PATJ: variants seen among roughly 807,000 people sequenced by gnomAD.
PATJ encodes the protein PATJ crumbs cell polarity complex component.
Under a neutral mutation model 224.9 loss-of-function variants are expected in PATJ, and 190 were observed. The ratio of observed to expected loss-of-function variants is 0.84; its 90% CI spans 0.75 to 0.95. The LOEUF is 0.95. Ranked by LOEUF, PATJ falls within the 40% of genes least tolerant of loss-of-function variation. PATJ has a pLI of 0.00. For missense variants in PATJ, 2,121 were observed against 2,270.3 expected (o/e 0.93, Z 1.34); for synonymous variants, 769 against 820.3 (o/e 0.94, Z 1.07).
chr1:62,019,649 A>C (rs1269300959), intron 29 of PATJ, among the ~76,000 whole-genome samples: 2 of 152,016 alleles, frequency 1.3e-5, no homozygotes, highest in African/African-American at 4.8e-5. Context: ...GTATATTAAG[A>C]TGAGCCCTTT....
At chr1:62,116,260 T>C (rs1264478175) in intron 35 of PATJ, among the ~76,000 whole-genome samples, 1 of 152,186 alleles carries the variant, frequency 6.6e-6, no homozygotes. Flanking sequence ...CTCATTGCAA[T>C]AGTTAAAGAA....
At chr1:61,928,757 T>C (rs1202574656) in intron 27 of PATJ, among the ~76,000 whole-genome samples, 1 of 151,838 alleles carries the variant, frequency 6.6e-6, no homozygotes, top group African/African-American at 2.4e-5. Context: ...ATGGTTATAA[T>C]AATTACTATT....
At chr1:62,094,929 T>C (rs79890827) in intron 33 of PATJ, among the ~76,000 whole-genome samples, 2,813 of 152,316 alleles carry the variant, frequency 0.018, 97 homozygotes, top group African/African-American at 0.064. Context: ...ACTAATTTAT[T>C]ATTTGTGAAC....
In PATJ at chr1:62,114,062, G is replaced by T. The variant is rs985147788; in HGVS notation, c.4471G>T (p.Val1491Phe). 1 of 1,613,912 alleles carries T rather than the reference G, an allele frequency of 6.2e-7. No homozygotes were observed. Among genetic ancestry groups the T allele is most frequent in the African/African-American group, 1.3e-5 (1 of 74,924 alleles). ...AGDQILEVNGVDLRNSSHEEA... is the reference protein window; with the variant it reads ...AGDQILEVNGFDLRNSSHEEA... ...ATGCCCATTGTTCCAGGTTAATGGG[G>T]TTGACCTGAGGAACTCCAGCCACGA... Residue 1491 changes from valine to phenylalanine, a missense_variant, in exon 35 of 44, where the codon GTT (valine) becomes TTT (phenylalanine). By Grantham distance (50) the Val-to-Phe change is conservative. Transcript: ENST00000642238.
At chr1:61,946,069 G>A (rs1352191436) in intron 27 of PATJ, among the ~76,000 whole-genome samples, 3 of 152,234 alleles carry the variant, frequency 2.0e-5, no homozygotes, top group Non-Finnish European at 2.9e-5. Flanking sequence ...TTAAAGCAGT[G>A]TGTAGCGGGA....
intron 29 of PATJ, among the ~76,000 whole-genome samples, chr1:62,037,562 TG>T (rs1314745366): frequency 1.3e-5 from 2 of 152,160 alleles, no homozygotes; most frequent in Non-Finnish European, 2.9e-5. Flanking sequence ...GTGAGGAGGC[TG>T]GGATCCTTTC....
chr1:61,766,735 A>G (rs1205768104), intron 4 of PATJ, among the ~76,000 whole-genome samples: 3 of 152,134 alleles, frequency 2.0e-5, no homozygotes, highest in Non-Finnish European at 4.4e-5. Flanking sequence ...ATTTTTTGAG[A>G]TAAGGTCTTG....
chr1:61,998,041 AT>A lies in PATJ; in HGVS notation c.3867+7679del, dbSNP rs533999072. Among the ~76,000 whole-genome samples, 815 of 124,344 alleles carry A rather than the reference AT, an allele frequency of 6.6e-3. 3 individuals are homozygous for A. Among genetic ancestry groups the A allele is most frequent in the Middle Eastern group, 0.026 (7 of 266 alleles). The allele number at this position is 124,344 out of a possible 152,430, so 81.6% of individuals were successfully genotyped here. ...ATTATATATAATATATTATATATTT[AT>A]TATATATATTATATATAATAAATAT... is the stretch of plus-strand genomic sequence containing the variant. On this transcript the variant is annotated intron_variant, in intron 28 of 43. Transcript: ENST00000642238.
Position 62,121,260 on chromosome 1 carries a change from C to G in PATJ, c.4970C>G (p.Thr1657Arg). 1 of 1,612,154 alleles carries G rather than the reference C, an allele frequency of 6.2e-7. No individual in the cohort carries two copies. The highest frequency in any genetic ancestry group is 2.2e-5 in the East Asian group (1 of 44,810). ...ACTGGCCTGCAAAACCTGGTTGGCA[C>G]AAAAAGAGTTTCAGATCCTTCCCAG... is the stretch of plus-strand genomic sequence containing the variant. ...VITGLQNLVG[T>R]KRVSDPSQKN... Residue 1657 changes from threonine (T) to arginine (R), a missense_variant, in exon 38 of 44, where the codon ACA becomes AGA. Physicochemically the swap from Thr to Arg is moderately conservative, Grantham distance 71. Coordinates refer to ENST00000642238, the MANE Select transcript of PATJ (RefSeq NM_001350145.3).
chr1:61,814,521 T>A (rs1024152507), intron 14 of PATJ, among the ~76,000 whole-genome samples: 18 of 80,818 alleles, frequency 2.2e-4, no homozygotes, highest in African/African-American at 6.6e-4. Context: ...TTTTGTTTAG[T>A]GTGTGTGTGT....
intron 14 of PATJ, among the ~76,000 whole-genome samples, chr1:61,810,295 G>A (rs1041458559): frequency 6.6e-6 from 1 of 151,494 alleles, no homozygotes; most frequent in African/African-American, 2.4e-5. Context: ...AATATGGCTC[G>A]CCTTGTAGTT....
At chr1:62,048,798 C>G (rs936267246) in intron 30 of PATJ, among the ~76,000 whole-genome samples, 1 of 152,076 alleles carries the variant, frequency 6.6e-6, no homozygotes, top group Non-Finnish European at 1.5e-5. Context: ...AATTCTGAAA[C>G]TTGTTGAGCA....
In PATJ at chr1:62,106,156, GTGTATATATATATATATA is replaced by G. The variant is rs1162518452; in HGVS notation, c.4378-2279_4378-2262del. 1.7e-3 allele frequency among the ~76,000 whole-genome samples: 92 copies of G among 54,876 alleles called. 8 individuals are homozygous for G. The highest frequency in any genetic ancestry group is 4.6e-3 in the African/African-American group (76 of 16,346). 36.0% of individuals were successfully genotyped at this position (54,876 alleles called of 152,430 possible). A position where few individuals can be genotyped will look rare whatever the true frequency, so the allele number is the denominator to read the frequency against. On this transcript the variant is annotated intron_variant, in intron 33 of 43. Transcript: ENST00000642238. ...TATACATGTGTATATGTGTGTGTGT[GTGTATATATATATATATA>G]TATATATATATATGGCTGGGCACAG...
At chr1:61,779,626 A>G (rs1050420112) in intron 7 of PATJ, among the ~76,000 whole-genome samples, 1 of 152,234 alleles carries the variant, frequency 6.6e-6, no homozygotes, top group African/African-American at 2.4e-5. Flanking sequence ...AATCAAGATA[A>G]TGAGCGTATT....
intron 27 of PATJ, among the ~76,000 whole-genome samples, chr1:61,962,656 T>TTAGAAG (rs1681477832): frequency 3.9e-5 from 6 of 152,188 alleles, no homozygotes; most frequent in Admixed American, 6.5e-5. Flanking sequence ...TTAGAAGATA[T>TTAGAAG]ATTCTTAAGG....
intron 29 of PATJ, among the ~76,000 whole-genome samples, chr1:62,023,823 C>T (rs1350719821): frequency 6.6e-6 from 1 of 152,150 alleles, no homozygotes; most frequent in Non-Finnish European, 1.5e-5. Context: ...AGCATGATGT[C>T]GGCTGCAGAT....
chr1:62,046,333 A>G (rs1652572225), intron 30 of PATJ, among the ~76,000 whole-genome samples: 1 of 152,240 alleles, frequency 6.6e-6, no homozygotes. Flanking sequence ...TTGTAATGTA[A>G]CATGAATGTG....
chr1:61,985,072 G>A (rs1316005150), intron 27 of PATJ, among the ~76,000 whole-genome samples: 1 of 152,074 alleles, frequency 6.6e-6, no homozygotes, highest in Admixed American at 6.5e-5. Context: ...CCAGCACTTT[G>A]GGAGGCCGTT....
chr1:61,960,553 C>T (rs780848823), intron 27 of PATJ, among the ~76,000 whole-genome samples: 19 of 151,790 alleles, frequency 1.3e-4, no homozygotes, highest in Non-Finnish European at 2.5e-4. Context: ...ATCCCAGCTA[C>T]TTGGGAGGCT....
Sources: allele counts gnomAD v4.1 joint callset (sites outside exome capture counted in the v4.1 genomes callset), GRCh38; gene constraint gnomAD v4.1.1; transcripts MANE v1.5; gene names NCBI Gene and HGNC (gene_info 2026-07-23, HGNC 2026-07-21).